SLC24A2: variants seen among roughly 807,000 people sequenced by gnomAD.
SLC24A2 encodes the protein solute carrier family 24 member 2, also known as sodium/potassium/calcium exchanger 2.
In SLC24A2, 36 loss-of-function variants were observed where a neutral mutation model predicts 62.0. The ratio of observed to expected loss-of-function variants is 0.58; its 90% CI spans 0.44 to 0.77. The LOEUF (loss-of-function observed/expected upper bound fraction) is 0.77. SLC24A2 is among the 30% of genes least tolerant of loss of function. SLC24A2 has a pLI of 0.00. For synonymous variants in SLC24A2, 358 were observed against 294.0 expected (o/e 1.22, Z -2.23); for missense variants, 846 against 817.9 (o/e 1.03, Z -0.42).
intron 8 of SLC24A2, among the ~76,000 whole-genome samples, chr9:19,530,080 T>A (rs980221936): frequency 0.047 from 239 of 5,106 alleles, 1 homozygote; most frequent in African/African-American, 0.16. Flanking sequence ...AAAAGCAGCT[T>A]TTTTTTTTTT....
intron 2 of SLC24A2, among the ~76,000 whole-genome samples, chr9:19,654,512 C>T (rs1291219193): frequency 6.6e-6 from 1 of 152,138 alleles, no homozygotes; most frequent in Non-Finnish European, 1.5e-5. Context: ...GGAGGTTCTC[C>T]TCCATCTTCC....
At chr9:20,281,055 A>G in the SLC24A2 span, among the ~76,000 whole-genome samples, 1 of 152,126 alleles carries the variant, frequency 6.6e-6, no homozygotes, top group South Asian at 2.1e-4. Context: ...TCAGCCTCCC[A>G]AGTAGCTGGG....
intron 5 of SLC24A2, among the ~76,000 whole-genome samples, chr9:19,580,882 C>T (rs1836185273): frequency 6.6e-6 from 1 of 152,164 alleles, no homozygotes; most frequent in South Asian, 2.1e-4. Context: ...CATACGATGT[C>T]CATACATGTC....
chr9:19,968,987 A>T, the SLC24A2 span, among the ~76,000 whole-genome samples: 7 of 152,278 alleles, frequency 4.6e-5, no homozygotes, highest in East Asian at 1.2e-3. Context: ...ATGATAATAA[A>T]AGGTTTACAG....
the SLC24A2 span, among the ~76,000 whole-genome samples, chr9:20,226,181 A>G: frequency 6.6e-6 from 1 of 152,104 alleles, no homozygotes; most frequent in African/African-American, 2.4e-5. Context: ...ATTGAGGAAA[A>G]GATAGTCTTC....
chr9:19,898,167 T>C, the SLC24A2 span, among the ~76,000 whole-genome samples: 1 of 152,162 alleles, frequency 6.6e-6, no homozygotes, highest in Non-Finnish European at 1.5e-5. Context: ...CTGAGAAGCC[T>C]AGCATGTCTA....
At chr9:19,757,620 G>T (rs1822182657) in intron 2 of SLC24A2, among the ~76,000 whole-genome samples, 1 of 152,152 alleles carries the variant, frequency 6.6e-6, no homozygotes, top group South Asian at 2.1e-4. Flanking sequence ...TAAGCCAGTG[G>T]AATTTCCCAG....
In SLC24A2 at chr9:19,622,392, T is replaced by C. The variant is rs1817929319; in HGVS notation, c.931-93A>G. On this transcript the variant is annotated intron_variant, in intron 2 of 10. Coordinates refer to ENST00000341998, the MANE Select transcript of SLC24A2 (RefSeq NM_020344.4). The stretch of plus-strand genomic sequence containing the variant: ...TTACATTTAATAACAAGCATCAGTA[T>C]AGGGGAAGATTTCATTCTTTCTGCT... 13 of 1,262,344 alleles carry C rather than the reference T, an allele frequency of 1.0e-5. No homozygotes were observed. In the South Asian group the frequency reaches 1.3e-4, roughly 12 times the overall value. 78.2% of individuals were successfully genotyped at this position (1,262,344 alleles called of 1,614,324 possible).
At chr9:19,815,944 A>G in the SLC24A2 span, among the ~76,000 whole-genome samples, 28 of 137,454 alleles carry the variant, frequency 2.0e-4, 1 homozygote, top group South Asian at 6.4e-3. Flanking sequence ...GTGATTATCC[A>G]TGTATTTTTT....
At chr9:19,798,068 T>C in the SLC24A2 span, among the ~76,000 whole-genome samples, 1 of 152,180 alleles carries the variant, frequency 6.6e-6, no homozygotes, top group African/African-American at 2.4e-5. Context: ...CTGTATCATG[T>C]TTATATAGAA....
rs376848007 is a variant in SLC24A2, at chr9:19,563,992, C to G, written c.1347+9359G>C. ...CCTCAGACTCCAAAGTAGCTAGAAC[C>G]ACAGGTGCACACCACCATGCCCTGC... On this transcript the variant is annotated intron_variant, in intron 7 of 10. Transcript: ENST00000341998. Among the ~76,000 whole-genome samples the G allele has an allele frequency of 4.0e-5, 6 of 151,734 alleles. No homozygotes were observed. The East Asian group carries it at 9.7e-4, about 25-fold the overall frequency.
At chr9:19,690,801 C>T (rs1284322306) in intron 2 of SLC24A2, among the ~76,000 whole-genome samples, 1 of 151,948 alleles carries the variant, frequency 6.6e-6, no homozygotes, top group African/African-American at 2.4e-5. Flanking sequence ...CACTAGATTA[C>T]ACCTGATGCT....
intron 4 of SLC24A2, among the ~76,000 whole-genome samples, chr9:19,619,325 C>T (rs1306158894): frequency 6.6e-6 from 1 of 152,208 alleles, no homozygotes; most frequent in African/African-American, 2.4e-5. Context: ...TCATAACAAA[C>T]TATATTTATG....
At chr9:20,280,023 T>C in the SLC24A2 span, among the ~76,000 whole-genome samples, 2 of 152,228 alleles carry the variant, frequency 1.3e-5, no homozygotes. Flanking sequence ...TGAAGGATTC[T>C]AAGCAGCAGG....
At chr9:20,215,531 A>G in the SLC24A2 span, among the ~76,000 whole-genome samples, 2 of 152,248 alleles carry the variant, frequency 1.3e-5, no homozygotes, top group African/African-American at 4.8e-5. Context: ...GTAGCATTTG[A>G]TTATGGTATG....
the SLC24A2 span, among the ~76,000 whole-genome samples, chr9:20,128,967 T>C: frequency 6.6e-6 from 1 of 152,050 alleles, no homozygotes; most frequent in African/African-American, 2.4e-5. Flanking sequence ...AAAACTTCTG[T>C]GCATCGATGG....
the SLC24A2 span, among the ~76,000 whole-genome samples, chr9:20,009,208 C>A: frequency 4.6e-5 from 7 of 152,028 alleles, no homozygotes; most frequent in African/African-American, 1.7e-4. Flanking sequence ...ATGGGAAACA[C>A]TGAGAGTAAC....
At chr9:20,152,669 T>C in the SLC24A2 span, among the ~76,000 whole-genome samples, 2 of 151,850 alleles carry the variant, frequency 1.3e-5, no homozygotes, top group Non-Finnish European at 2.9e-5. Flanking sequence ...GACAGCTGTG[T>C]CCAGTTTTGA....
At chr9:20,188,980 C>T in the SLC24A2 span, among the ~76,000 whole-genome samples, 33 of 152,094 alleles carry the variant, frequency 2.2e-4, no homozygotes, top group East Asian at 3.5e-3. Flanking sequence ...ATGTGAGTTC[C>T]TTTGTTTACA....
Sources: gnomAD v4.1 joint callset for allele counts (sites outside exome capture counted in the v4.1 genomes callset) on GRCh38, gnomAD v4.1.1 for gene constraint, MANE v1.5 for transcripts, NCBI Gene and HGNC (gene_info 2026-07-23, HGNC 2026-07-21) for gene names.